XPO6: variants seen among roughly 807,000 people sequenced by gnomAD.
XPO6 encodes exportin-6.
XPO6 carries 3 observed loss-of-function variants against 130.0 expected under a neutral mutation model. The ratio of observed to expected loss-of-function variants is 0.02; its 90% CI spans 0.01 to 0.06. XPO6 has a LOEUF of 0.06. Ranked by LOEUF, XPO6 falls within the 10% of genes least tolerant of loss-of-function variation. XPO6 has a pLI of 1.00. For synonymous variants in XPO6, 524 were observed against 548.9 expected, an observed-to-expected ratio of 0.95 and a Z score of 0.63; for missense variants, 970 against 1,393.0, an observed-to-expected ratio of 0.70 and a Z score of 4.83.
chr16:28,104,932 G>C (rs560727127), intron 20 of XPO6, among the ~76,000 whole-genome samples: 8 of 152,376 alleles, frequency 5.3e-5, no homozygotes, highest in African/African-American at 1.7e-4. Context: ...CACACCGCGA[G>C]TTCTTCAGGA....
intron 11 of XPO6, 51 bp downstream of exon 11, chr16:28,133,790 C>G (rs1471073406): frequency 7.0e-6 from 11 of 1,576,256 alleles, no homozygotes; most frequent in Non-Finnish European, 9.6e-6. Context: ...CAGCCATGCT[C>G]TGTGTACAGA....
intron 9 of XPO6, among the ~76,000 whole-genome samples, chr16:28,140,192 A>T (rs2042862259): frequency 6.7e-6 from 1 of 148,864 alleles, no homozygotes; most frequent in African/African-American, 2.5e-5. Context: ...AGATCACACC[A>T]TTGCACTCCA....
At chr16:28,173,490 C>T (rs1483946865) in intron 4 of XPO6, among the ~76,000 whole-genome samples, 1 of 152,182 alleles carries the variant, frequency 6.6e-6, no homozygotes, top group Non-Finnish European at 1.5e-5. Flanking sequence ...CGCCTATAAT[C>T]CTAGCACTTT....
In XPO6 at chr16:28,132,709, A is replaced by G. The variant is rs1217963853; in HGVS notation, c.1537-306T>C. On this transcript the variant is annotated intron_variant, in intron 11 of 23. Coordinates refer to ENST00000304658, the MANE Select transcript of XPO6 (RefSeq NM_015171.4). This position sits in a 1 kb window ranked among gnomAD's most constrained non-coding sequence, Gnocchi z 4.0. ...GGTATGACTCTTACGTTCCTAATAGAGGAGATCAAACCCTGAAATGACCTA... is the reference window on the plus strand; with the variant it reads ...GGTATGACTCTTACGTTCCTAATAGGGGAGATCAAACCCTGAAATGACCTA... Among the ~76,000 whole-genome samples the G allele has an allele frequency of 1.7e-4, 26 of 151,846 alleles. No homozygotes were observed. The highest frequency in any genetic ancestry group is 8.8e-5 in the Non-Finnish European group (6 of 67,978).
intron 1 of XPO6, among the ~76,000 whole-genome samples, chr16:28,195,184 T>A (rs1004462833): frequency 6.6e-6 from 1 of 152,036 alleles, no homozygotes; most frequent in Non-Finnish European, 1.5e-5. Context: ...ATTTATCAAA[T>A]TTCAAACACA....
chr16:28,207,942 C>T (rs536821361), intron 1 of XPO6, among the ~76,000 whole-genome samples: 4 of 152,150 alleles, frequency 2.6e-5, no homozygotes, highest in South Asian at 4.2e-4. Flanking sequence ...GTCAGGAGTT[C>T]GAGACCAGCC....
At chr16:28,203,192 G>A (rs2043978015) in intron 1 of XPO6, among the ~76,000 whole-genome samples, 3 of 151,714 alleles carry the variant, frequency 2.0e-5, no homozygotes, top group Middle Eastern at 3.4e-3. Context: ...GGAGGATCGC[G>A]TGAGCCCCAG....
chr16:28,154,286 G>A (rs3751811), intron 7 of XPO6: 660,563 of 962,388 alleles, frequency 0.69, 230,712 homozygotes, highest in South Asian at 0.73. Context: ...AAAAGCCATG[G>A]GCTAAATACA....
At chr16:28,192,345 G>A (rs1282885150) in intron 1 of XPO6, among the ~76,000 whole-genome samples, 3 of 151,930 alleles carry the variant, frequency 2.0e-5, no homozygotes, top group Admixed American at 6.6e-5. Context: ...GGGAACTGGG[G>A]TAGCATAATC....
At chr16:28,136,232 G>C (rs1475992550) in intron 9 of XPO6, among the ~76,000 whole-genome samples, 1 of 150,664 alleles carries the variant, frequency 6.6e-6, no homozygotes, top group Non-Finnish European at 1.5e-5. Flanking sequence ...TTTTGTTTTT[G>C]TTTTTGGAGA....
In XPO6 at chr16:28,211,726, G is replaced by T; in HGVS notation, c.-358C>A. ...CAGGCAGGGGCTCCCCGGCCTCCGC[G>T]GGCAGAGGTGGCGGCGGCCCCGGCC... On this transcript the variant is annotated 5_prime_UTR_variant, in exon 1 of 24. Transcript: ENST00000304658. 2.7e-6 allele frequency: 1 copy of T among 368,026 alleles called. No individual in the cohort carries two copies. The highest frequency in any genetic ancestry group is 4.6e-5 in the Admixed American group (1 of 21,648). 22.8% of individuals were successfully genotyped at this position (368,026 alleles called of 1,614,324 possible).
At position 28,156,368 on chromosome 16, in the gene XPO6, G is replaced by A. The variant is rs780577836; in HGVS notation, c.803C>T (p.Pro268Leu). 6.2e-7 allele frequency: 1 copy of A among 1,614,072 alleles called. No individual in the cohort carries two copies. Among genetic ancestry groups the A allele is most frequent in the South Asian group, 1.1e-5 (1 of 91,064 alleles). Residue 268 changes from proline to leucine, a missense_variant, in exon 7 of 24, where the codon CCA becomes CTA. By Grantham distance (98) the Pro-to-Leu change is moderately conservative (BLOSUM62 -3). Around this residue, in one of 4 missense-constraint regions of XPO6, gnomAD observed 936 missense variants for 1,306.8 expected, o/e 0.72. Transcript: ENST00000304658. ...GTGGAAGATGGTGGTAAGGAGGGAT[G>A]GGGTGATGCTGGCAGACAGAGGAAT... ...SWIPLSASIT[P>L]SLLTTIFHFA... is the part of the protein sequence containing the mutation.
chr16:28,168,812 A>G (rs930996855), intron 5 of XPO6, among the ~76,000 whole-genome samples: 4 of 150,408 alleles, frequency 2.7e-5, no homozygotes, highest in African/African-American at 9.8e-5. Context: ...TGGGGGTCTC[A>G]ATATGTTGCC....
chr16:28,146,059 G>T lies in XPO6; in HGVS notation c.1334+35C>A. ...AGGCCACTAGAATAACTGGCAAAAT[G>T]ACCATATCTAGTTTTCAGTGTTTGA... On this transcript the variant is annotated intron_variant, in intron 9 of 23. Transcript: ENST00000304658. 3.9e-6 allele frequency: 6 copies of T among 1,520,112 alleles called. No homozygotes were observed. In the South Asian group the frequency reaches 5.6e-5, roughly 14 times the overall value. 94.2% of individuals were successfully genotyped at this position (1,520,112 alleles called of 1,614,324 possible).
At chr16:28,144,697 T>C (rs919300612) in intron 9 of XPO6, among the ~76,000 whole-genome samples, 3 of 152,226 alleles carry the variant, frequency 2.0e-5, no homozygotes, top group African/African-American at 7.2e-5. Flanking sequence ...GGTACATTTA[T>C]GGGGAAAGAG....
intron 6 of XPO6, among the ~76,000 whole-genome samples, chr16:28,157,484 A>G (rs1255851025): frequency 1.3e-5 from 2 of 152,194 alleles, no homozygotes. Flanking sequence ...ATAAAAAAAG[A>G]GTTCCTAATC....
At position 28,208,016 on chromosome 16, in the gene XPO6, C is replaced by CATAATGGCAG. The variant is rs1555532492; in HGVS notation, c.3+3349_3+3350insCTGCCATTAT. Among the ~76,000 whole-genome samples, 5 of 151,742 alleles carry CATAATGGCAG rather than the reference C, an allele frequency of 3.3e-5. No homozygotes were observed. In the East Asian group the frequency reaches 5.8e-4, roughly 18 times the overall value. On this transcript the variant is annotated intron_variant, in intron 1 of 23. Transcript: ENST00000304658. The stretch of plus-strand genomic sequence containing the variant: ...AAAACAAAAAAAAAAACTAGCTGGG[C>CATAATGGCAG]GTGCCTGTAATCCCAGCTACTCAGG...
intron 12 of XPO6, among the ~76,000 whole-genome samples, chr16:28,131,607 G>A (rs530641192): frequency 1.5e-3 from 222 of 152,270 alleles, no homozygotes; most frequent in Non-Finnish European, 2.2e-3. Flanking sequence ...ACCATCATGC[G>A]ACTTGTACCA....
In XPO6 at chr16:28,101,067, C is replaced by T. The variant is rs1320332072; in HGVS notation, c.3276+391G>A. Reference sequence around the variant, plus strand: ...CCTGGGGACCCAGAAGTGCAGCTCCCAAGCACCAACCATCTCAGCCTGAAT... The same window carrying T: ...CCTGGGGACCCAGAAGTGCAGCTCCTAAGCACCAACCATCTCAGCCTGAAT... On this transcript the variant is annotated intron_variant, in intron 23 of 23. Coordinates refer to ENST00000304658, the MANE Select transcript of XPO6 (RefSeq NM_015171.4). This position sits in a 1 kb window ranked among gnomAD's most constrained non-coding sequence, Gnocchi z 5.4. The T allele has an allele frequency of 3.1e-6, 1 of 325,022 alleles. No individual in the cohort carries two copies. The highest frequency in any genetic ancestry group is 6.0e-6 in the Non-Finnish European group (1 of 166,606). The allele number at this position is 325,022 out of a possible 1,614,324, so 20.1% of individuals were successfully genotyped here. A position where few individuals can be genotyped will look rare whatever the true frequency, so the allele number is the denominator to read the frequency against.
Sources: allele counts gnomAD v4.1 joint callset (sites outside exome capture counted in the v4.1 genomes callset), GRCh38; gene constraint gnomAD v4.1.1; regional missense constraint gnomAD v4.1.1; non-coding constraint Gnocchi (gnomAD v3.1); transcripts MANE v1.5; gene names NCBI Gene and HGNC (gene_info 2026-07-23, HGNC 2026-07-21).